Variants in TFF2 observed in about 807,000 individuals in gnomAD.
The protein encoded by TFF2 is trefoil factor 2, also known as spasmolysin.
Under a neutral mutation model 16.0 loss-of-function variants are expected in TFF2, and 19 were observed. The observed-to-expected ratio is 1.19, with a 90% CI of 0.83 to 1.74. TFF2 has a LOEUF of 1.74. TFF2 is among the 40% of genes most tolerant of loss of function. TFF2 has a pLI of 0.00. For missense variants in TFF2, 168 were observed against 166.8 expected (o/e 1.01, Z -0.04); for synonymous variants, 61 against 65.4 (o/e 0.93, Z 0.32).
At chr21:42,348,444 TA>T (rs1490800067) in intron 2 of TFF2, among the ~76,000 whole-genome samples, 22 of 152,026 alleles carry the variant, frequency 1.4e-4, no homozygotes, top group African/African-American at 3.9e-4. Flanking sequence ...TATATATATA[TA>T]TATTTTTTTC....
At chr21:42,350,072 A>G in intron 1 of TFF2, 42 bp from the exon 2 acceptor site, 3 of 1,566,870 alleles carry the variant, frequency 1.9e-6, no homozygotes, top group Non-Finnish European at 1.7e-6. Flanking sequence ...GGTACCCCAG[A>G]CCACACTGCT....
chr21:42,346,380 T>C lies in TFF2; in HGVS notation c.*153A>G. 2.9e-6 allele frequency: 3 copies of C among 1,042,366 alleles called. No individual in the cohort carries two copies. Among genetic ancestry groups the C allele is most frequent in the Non-Finnish European group, 4.3e-6 (3 of 700,052 alleles). 64.6% of individuals were successfully genotyped at this position (1,042,366 alleles called of 1,614,324 possible). ...AATTTAGCAGATTTTAAGGGTTTTA[T>C]TTAAAGAAATTATATGTTAAACCAT... On this transcript the variant is annotated 3_prime_UTR_variant, in exon 4 of 4. Transcript: ENST00000291526.
rs1206422990 is a variant in TFF2 at position 42,349,996 on chromosome 21, G to T, written c.114C>A (p.Asn38Lys). The T allele has an allele frequency of 3.7e-6, 6 of 1,600,840 alleles. No homozygotes were observed. The highest frequency in any genetic ancestry group is 5.1e-6 in the Non-Finnish European group (6 of 1,173,584). The change falls in exon 2 of 4, where the codon AAC (asparagine) becomes AAA (lysine). Residue 38 changes from asparagine (N) to lysine (K), a missense_variant. Transcript: ENST00000291526. ...TTCCAGGGAAGCCGCAGTTCGTCCT[G>T]TTATGGGGGCTCAGCCTGGAGCACT... ...PCQCSRLSPH[N>K]RTNCGFPGIT...
intron 2 of TFF2, among the ~76,000 whole-genome samples, chr21:42,348,101 C>A (rs2146393227): frequency 6.6e-6 from 1 of 152,350 alleles, no homozygotes; most frequent in Middle Eastern, 3.4e-3. Context: ...GAACAATCCA[C>A]CATCTGCCTG....
At chr21:42,347,929 G>T (rs76634634) in intron 2 of TFF2, among the ~76,000 whole-genome samples, 3 of 152,180 alleles carry the variant, frequency 2.0e-5, no homozygotes, top group African/African-American at 7.2e-5. Context: ...GGAGTCCCCC[G>T]CCTTGGGGAA....
At chr21:42,349,768 G>A (rs146087619) in intron 2 of TFF2, 113 bp downstream of exon 2, 15,921 of 1,142,130 alleles carry the variant, frequency 0.014, 152 homozygotes, top group Non-Finnish European at 0.017. Context: ...ACCCACCCAG[G>A]CTAACCCTAG....
At position 42,346,507 on chromosome 21, in the gene TFF2, G is replaced by C. The variant is rs747432309; in HGVS notation, c.*26C>G. 6.2e-7 allele frequency: 1 copy of C among 1,612,812 alleles called. No homozygotes were observed. Among genetic ancestry groups the C allele is most frequent in the Non-Finnish European group, 8.5e-7 (1 of 1,179,692 alleles). On this transcript the variant is annotated 3_prime_UTR_variant, in exon 4 of 4. Transcript: ENST00000291526. The stretch of plus-strand genomic sequence containing the variant: ...TGGTTTCGGAACACCCGGTGAGCCA[G>C]ATGCATCCTCTGGAACCAGCCTCTC...
In TFF2 at chr21:42,349,984, G is replaced by A. The variant is rs780592402; in HGVS notation, c.126C>T (p.Cys42=). 2.3e-5 allele frequency: 36 copies of A among 1,599,794 alleles called. No homozygotes were observed. The East Asian group carries it at 4.7e-4, about 21-fold the overall frequency. ...GGTCACTGGTGATTCCAGGGAAGCC[G>A]CAGTTCGTCCTGTTATGGGGGCTCA... The part of the protein sequence containing the change: ...SRLSPHNRTN[C]GFPGITSDQC... Residue 42 remains cysteine, a synonymous_variant, in exon 2 of 4, where the codon TGC becomes TGT. Transcript: ENST00000291526.
chr21:42,349,029 G>C (rs1354908106), intron 2 of TFF2, among the ~76,000 whole-genome samples: 1 of 149,716 alleles, frequency 6.7e-6, no homozygotes, highest in South Asian at 2.1e-4. Flanking sequence ...ACAAACCTGG[G>C]CTAGCCCCAG....
Position 42,347,633 on chromosome 21 carries a change from C to G in TFF2, c.230-1G>C. On this transcript the variant is annotated splice_acceptor_variant, in intron 2 of 3. Coordinates refer to ENST00000291526, the MANE Select transcript of TFF2 (RefSeq NM_005423.5). LOFTEE classifies it high-confidence loss of function. ...ACCTCCATGACGCACTGATCCGACTCTGCCATGGGACAGGCACAGCACCGA... is the reference window on the plus strand; with the variant it reads ...ACCTCCATGACGCACTGATCCGACTGTGCCATGGGACAGGCACAGCACCGA... 2 of 1,613,946 alleles carry G rather than the reference C, an allele frequency of 1.2e-6. No homozygotes were observed. The highest frequency in any genetic ancestry group is 1.1e-5 in the South Asian group (1 of 91,076).
At chr21:42,346,837 TG>T (rs771275972) in intron 3 of TFF2, among the ~76,000 whole-genome samples, 2 of 152,094 alleles carry the variant, frequency 1.3e-5, no homozygotes, top group African/African-American at 2.4e-5. Flanking sequence ...CTCTTTGGAG[TG>T]CTTTGATATC....
chr21:42,350,914 A>G lies in TFF2; in HGVS notation c.44T>C (p.Leu15Pro). The G allele has an allele frequency of 1.2e-6, 2 of 1,613,922 alleles. No individual in the cohort carries two copies. The highest frequency in any genetic ancestry group is 1.7e-6 in the Non-Finnish European group (2 of 1,179,910). The change falls in exon 1 of 4, where the codon CTG (leucine) becomes CCG (proline). Residue 15 changes from leucine to proline, a missense_variant. Physicochemically the swap from Leu to Pro is moderately conservative, Grantham distance 98. Transcript: ENST00000291526. The stretch of plus-strand genomic sequence containing the variant: ...ACTCCCCGCCAGGGCACATAGCCCC[A>G]GGACGAGGAGCGCTGCCAGGAGCTG... Reference protein sequence around the residue: ...DAQLLAALLVLGLCALAGSEK... With the variant: ...DAQLLAALLVPGLCALAGSEK...
Position 42,347,340 on chromosome 21 carries a change from C to T in TFF2, c.376+146G>A, listed in dbSNP as rs1601491462. On this transcript the variant is annotated intron_variant, in intron 3 of 3. Transcript: ENST00000291526. The stretch of plus-strand genomic sequence containing the variant: ...CTTTGCCAAGAACATTCTGGAATTG[C>T]CTTCAGAATCCCATAGGAGGCAGGG... 7 of 1,009,394 alleles carry T rather than the reference C, an allele frequency of 6.9e-6. No individual in the cohort carries two copies. In the East Asian group the frequency reaches 1.7e-4, roughly 24 times the overall value. The allele number at this position is 1,009,394 out of a possible 1,614,324, so 62.5% of individuals were successfully genotyped here. A position where few individuals can be genotyped will look rare whatever the true frequency, so the allele number is the denominator to read the frequency against.
chr21:42,348,001 G>C (rs1343685305), intron 2 of TFF2, among the ~76,000 whole-genome samples: 4 of 152,228 alleles, frequency 2.6e-5, no homozygotes, highest in Non-Finnish European at 4.4e-5. Context: ...GGGCCAAGAT[G>C]AGAAAAGGTT....
At chr21:42,350,324 C>A (rs915290440) in intron 1 of TFF2, 26 of 378,148 alleles carry the variant, frequency 6.9e-5, no homozygotes, top group Admixed American at 1.6e-4. Flanking sequence ...CTCAGGAGTT[C>A]AAGACCATCC....
At chr21:42,350,068 C>G (rs2052104410) in intron 1 of TFF2, 38 bp from the exon 2 acceptor site, 11 of 1,569,534 alleles carry the variant, frequency 7.0e-6, no homozygotes, top group Non-Finnish European at 9.5e-6. Flanking sequence ...CCCTGGTACC[C>G]CAGACCACAC....
chr21:42,347,740 T>C, intron 2 of TFF2, 108 bp from the exon 3 acceptor site: 1 of 1,403,910 alleles, frequency 7.1e-7, no homozygotes. Context: ...CCTCCGTGGA[T>C]CATGAGGTGC....
rs1164567094 is a variant in TFF2 at position 42,349,973 on chromosome 21, C to T, written c.137G>A (p.Gly46Glu). 6.3e-7 allele frequency: 1 copy of T among 1,598,770 alleles called. No individual in the cohort carries two copies. The highest frequency in any genetic ancestry group is 8.5e-7 in the Non-Finnish European group (1 of 1,172,526). ...PHNRTNCGFP[G>E]ITSDQCFDNG... ...GTCAAAACACTGGTCACTGGTGATT[C>T]CAGGGAAGCCGCAGTTCGTCCTGTT... The change falls in exon 2 of 4, where the codon GGA (glycine) becomes GAA (glutamate). Residue 46 changes from glycine to glutamate, a missense_variant. Gly to Glu is a moderately conservative substitution (Grantham distance 98, BLOSUM62 -2). Transcript: ENST00000291526.
At chr21:42,347,785 C>A (rs1027742778) in intron 2 of TFF2, among the ~76,000 whole-genome samples, 153 bp from the exon 3 acceptor site, 1 of 151,890 alleles carries the variant, frequency 6.6e-6, no homozygotes, top group African/African-American at 2.4e-5. Flanking sequence ...CGGCCTCCCC[C>A]GGGGACTGTG....
Sources: allele counts gnomAD v4.1 joint callset (sites outside exome capture counted in the v4.1 genomes callset), GRCh38; gene constraint gnomAD v4.1.1; transcripts MANE v1.5; gene names NCBI Gene and HGNC (gene_info 2026-07-23, HGNC 2026-07-21).